TBC1D7: variants seen among roughly 807,000 people sequenced by gnomAD.
TBC1D7 encodes the protein TBC domain family 7.
Under a neutral mutation model 35.3 loss-of-function variants are expected in TBC1D7, and 33 were observed. That is an observed-to-expected ratio of 0.93 (90% confidence interval 0.71 to 1.25). The LOEUF (loss-of-function observed/expected upper bound fraction) is 1.25, where lower values mean the gene tolerates loss of function less well. Among genes scored for constraint, TBC1D7 ranks in the 50% most tolerant of loss-of-function variants. The pLI, the probability that TBC1D7 is intolerant of heterozygous loss-of-function variation, is 0.00. For synonymous variants in TBC1D7, 135 were observed against 129.5 expected, an observed-to-expected ratio of 1.04 and a Z score of -0.29; for missense variants, 362 against 365.3, an observed-to-expected ratio of 0.99 and a Z score of 0.07.
intron 5 of TBC1D7, among the ~76,000 whole-genome samples, chr6:13,313,806 T>A (rs777585869): frequency 1.4e-4 from 21 of 152,214 alleles, no homozygotes; most frequent in Non-Finnish European, 2.6e-4. Context: ...GGAAAGGTGA[T>A]GGTAATTTTT....
intron 3 of TBC1D7, 30 bp downstream of exon 3, chr6:13,325,064 G>C (rs1290918309): frequency 1.3e-6 from 2 of 1,519,920 alleles, no homozygotes; most frequent in African/African-American, 1.4e-5. Flanking sequence ...TATTTTTTAA[G>C]ATAAATCTTC....
chr6:13,320,451 A>T, intron 4 of TBC1D7: 1 of 386,506 alleles, frequency 2.6e-6, no homozygotes, highest in Non-Finnish European at 4.7e-6. Context: ...CTCTCAAATG[A>T]TTTAGGAAAA....
At chr6:13,313,989 G>A (rs771588843) in intron 5 of TBC1D7, among the ~76,000 whole-genome samples, 8 of 152,120 alleles carry the variant, frequency 5.3e-5, no homozygotes, top group South Asian at 2.1e-4. Context: ...TTGGGAGGCC[G>A]AGGGGGCGGA....
intron 4 of TBC1D7, chr6:13,318,891 G>A (rs1052970251): frequency 6.6e-6 from 1 of 152,152 alleles, no homozygotes; most frequent in African/African-American, 2.4e-5. Flanking sequence ...TTAGTGGATG[G>A]CTACTTACAA....
Position 13,306,430 on chromosome 6 carries a change from T to C in TBC1D7, c.763A>G (p.Ser255Gly), listed in dbSNP as rs1313919673. The C allele has an allele frequency of 3.7e-6, 6 of 1,603,624 alleles. No individual in the cohort carries two copies. Among genetic ancestry groups the C allele is most frequent in the Non-Finnish European group, 5.1e-6 (6 of 1,177,098 alleles). Residue 255 changes from serine (S) to glycine (G), a missense_variant, in exon 7 of 8, where the codon AGT becomes GGT. Transcript: ENST00000379300. ...TFKIKVMALN[S>G]AEKITKFLEN... ...AGAAACTTTGTTATCTTCTCTGCAC[T>C]GTTCAGTGCCATAACTTTTATTTTA...
At chr6:13,322,804 C>A (rs939245664) in intron 3 of TBC1D7, among the ~76,000 whole-genome samples, 2 of 152,198 alleles carry the variant, frequency 1.3e-5, no homozygotes, top group African/African-American at 4.8e-5. Flanking sequence ...TCGGCTAATA[C>A]AGCTTAAACA....
chr6:13,319,771 T>A (rs1783897523), intron 4 of TBC1D7: 1 of 152,212 alleles, frequency 6.6e-6, no homozygotes, highest in Admixed American at 6.5e-5. Context: ...AAAATAAAAA[T>A]TTTTTAGAAA....
intron 5 of TBC1D7, among the ~76,000 whole-genome samples, chr6:13,311,629 C>G (rs1783217118): frequency 6.6e-6 from 1 of 152,156 alleles, no homozygotes; most frequent in Admixed American, 6.6e-5. Context: ...CTGAGAACTT[C>G]ATAACTACTT....
At chr6:13,310,376 G>T (rs933694093) in intron 5 of TBC1D7, among the ~76,000 whole-genome samples, 1 of 152,146 alleles carries the variant, frequency 6.6e-6, no homozygotes, top group African/African-American at 2.4e-5. Context: ...GGTGGCTCAC[G>T]CCTGTAATCC....
At chr6:13,327,056 T>C (rs975806409) in intron 1 of TBC1D7, 150 bp from the exon 2 acceptor site, 3 of 510,474 alleles carry the variant, frequency 5.9e-6, no homozygotes, top group Admixed American at 3.9e-5. Flanking sequence ...CAATATTAAA[T>C]TTTTCCTTTA....
intron 5 of TBC1D7, among the ~76,000 whole-genome samples, chr6:13,314,036 G>C (rs1261415335): frequency 1.3e-5 from 2 of 152,080 alleles, no homozygotes; most frequent in African/African-American, 4.8e-5. Flanking sequence ...GGCTAACACG[G>C]TGAAACCCCA....
At chr6:13,319,838 A>G (rs1783901980) in intron 4 of TBC1D7, 1 of 152,262 alleles carries the variant, frequency 6.6e-6, no homozygotes, top group Non-Finnish European at 1.5e-5. Flanking sequence ...ATGTTTACAT[A>G]GCAGTTTTAA....
chr6:13,325,013 T>A, intron 3 of TBC1D7, 81 bp downstream of exon 3: 1 of 1,114,784 alleles, frequency 9.0e-7, no homozygotes, highest in Non-Finnish European at 1.3e-6. Context: ...CAAATTCTCC[T>A]TTTTCTGACT....
chr6:13,319,406 G>C (rs1370820366), intron 4 of TBC1D7: 1 of 148,010 alleles, frequency 6.8e-6, no homozygotes, highest in African/African-American at 2.5e-5. Context: ...GTTGCGTTGA[G>C]CCAAGATCGC....
chr6:13,312,986 A>G (rs1783339342), intron 5 of TBC1D7, among the ~76,000 whole-genome samples: 1 of 152,162 alleles, frequency 6.6e-6, no homozygotes, highest in African/African-American at 2.4e-5. Flanking sequence ...GTCTGTATTG[A>G]ACAGACACAG....
chr6:13,321,799 T>G (rs1275685818), intron 3 of TBC1D7, among the ~76,000 whole-genome samples: 1 of 152,140 alleles, frequency 6.6e-6, no homozygotes, highest in Non-Finnish European at 1.5e-5. Flanking sequence ...TTTCCCCACC[T>G]GCCAGAGGCA....
chr6:13,321,475 T>C (rs1784041284), intron 3 of TBC1D7, among the ~76,000 whole-genome samples: 1 of 152,196 alleles, frequency 6.6e-6, no homozygotes, highest in South Asian at 2.1e-4. Flanking sequence ...TCTTTGTACT[T>C]GGCCCCTACA....
chr6:13,324,735 T>C (rs911931172), intron 3 of TBC1D7, among the ~76,000 whole-genome samples: 1 of 152,164 alleles, frequency 6.6e-6, no homozygotes, highest in Non-Finnish European at 1.5e-5. Context: ...CTTACAAATT[T>C]AGAGCTAAAA....
In TBC1D7 at chr6:13,305,105, C is replaced by A. The variant is rs767576922; in HGVS notation, c.878G>T (p.Ser293Ile). ...HKHCGTPVHS[S>I] ...GTCCACAACCAGCGGGTGCGTTCAG[C>A]TTGAATGGACCGGGGTCCCACAGTG... The change falls in exon 8 of 8, where the codon AGC (serine) becomes ATC (isoleucine). Residue 293 changes from serine (S) to isoleucine (I), a missense_variant. Transcript: ENST00000379300. 72 of 1,610,928 alleles carry A rather than the reference C, an allele frequency of 4.5e-5. No individual in the cohort carries two copies. Among genetic ancestry groups the A allele is most frequent in the Non-Finnish European group, 5.9e-5 (69 of 1,178,362 alleles).
Sources: gnomAD v4.1 joint callset for allele counts (sites outside exome capture counted in the v4.1 genomes callset) on GRCh38, gnomAD v4.1.1 for gene constraint, MANE v1.5 for transcripts, NCBI Gene and HGNC (gene_info 2026-07-23, HGNC 2026-07-21) for gene names.